KCNQ5: variants seen among roughly 807,000 people sequenced by gnomAD.
KCNQ5 encodes potassium voltage-gated channel subfamily KQT member 5.
A neutral mutation model predicts 98.2 loss-of-function variants in KCNQ5; 30 were observed. The observed-to-expected ratio is 0.31, with a 90% CI of 0.23 to 0.41. KCNQ5 has a LOEUF of 0.41. Among genes scored for constraint, KCNQ5 ranks in the 10% least tolerant of loss-of-function variants. The pLI, the probability that KCNQ5 is intolerant of heterozygous loss-of-function variation, is 1.00. For missense variants in KCNQ5, 835 were observed against 1,182.5 expected (o/e 0.71, Z 4.31); for synonymous variants, 458 against 449.4 (o/e 1.02, Z -0.24).
intron 2 of KCNQ5, among the ~76,000 whole-genome samples, chr6:73,037,465 A>AT (rs1280414300): frequency 6.6e-6 from 1 of 152,070 alleles, no homozygotes; most frequent in East Asian, 1.9e-4. Context: ...AAATATCTCC[A>AT]TTTTTTTCCT....
chr6:72,629,246 A>G (rs1347213749), intron 1 of KCNQ5, among the ~76,000 whole-genome samples: 1 of 152,186 alleles, frequency 6.6e-6, no homozygotes, highest in Middle Eastern at 3.2e-3. Flanking sequence ...TCTATTCTGA[A>G]TTAAGTTTAT....
intron 1 of KCNQ5, among the ~76,000 whole-genome samples, chr6:72,842,514 G>A (rs1461757267): frequency 4.6e-5 from 7 of 152,108 alleles, no homozygotes; most frequent in African/African-American, 1.7e-4. Context: ...AGATCATACT[G>A]GTGGAAGTGG....
intron 1 of KCNQ5, among the ~76,000 whole-genome samples, chr6:72,799,908 A>G (rs1443859578): frequency 1.3e-5 from 2 of 152,206 alleles, no homozygotes; most frequent in Non-Finnish European, 2.9e-5. Flanking sequence ...ATGATACTGA[A>G]GAAGCATCAA....
chr6:72,849,137 CACACACAT>C (rs1197235950), intron 1 of KCNQ5, among the ~76,000 whole-genome samples: 2 of 151,946 alleles, frequency 1.3e-5, no homozygotes, highest in Admixed American at 6.6e-5. Context: ...CACACACACA[CACACACAT>C]ATGCACACGC....
At chr6:73,186,085 C>T (rs939073272) in intron 11 of KCNQ5, among the ~76,000 whole-genome samples, 72 of 152,134 alleles carry the variant, frequency 4.7e-4, no homozygotes, top group Admixed American at 1.2e-3. Flanking sequence ...AAAAATTAAC[C>T]GGTGTGGGGG....
At chr6:72,726,384 G>A (rs1368829560) in intron 1 of KCNQ5, among the ~76,000 whole-genome samples, 5 of 151,698 alleles carry the variant, frequency 3.3e-5, no homozygotes, top group African/African-American at 4.8e-5. Flanking sequence ...CTAATTCCCT[G>A]TATTTTTTTT....
chr6:72,834,944 C>G (rs1321873443), intron 1 of KCNQ5, among the ~76,000 whole-genome samples: 1 of 152,052 alleles, frequency 6.6e-6, no homozygotes, highest in Middle Eastern at 3.2e-3. Context: ...GGTTTGTTTT[C>G]TGGCTCTAAA....
intron 1 of KCNQ5, among the ~76,000 whole-genome samples, chr6:72,915,288 A>G (rs1012724078): frequency 6.6e-6 from 1 of 152,218 alleles, no homozygotes; most frequent in Non-Finnish European, 1.5e-5. Context: ...TCTCAGTTAT[A>G]AGGGATGTCT....
At chr6:72,799,914 A>G (rs1774545626) in intron 1 of KCNQ5, among the ~76,000 whole-genome samples, 1 of 152,206 alleles carries the variant, frequency 6.6e-6, no homozygotes, top group Non-Finnish European at 1.5e-5. Flanking sequence ...CTGAAGAAGC[A>G]TCAAGCTACT....
chr6:72,709,680 G>T (rs999093680), intron 1 of KCNQ5, among the ~76,000 whole-genome samples: 1 of 152,104 alleles, frequency 6.6e-6, no homozygotes, highest in Non-Finnish European at 1.5e-5. Context: ...CACACCATGT[G>T]CTAGCCACTA....
intron 3 of KCNQ5, among the ~76,000 whole-genome samples, chr6:73,072,941 G>C (rs945440646): frequency 6.6e-6 from 1 of 151,776 alleles, no homozygotes; most frequent in African/African-American, 2.4e-5. Flanking sequence ...TTGTTTATTA[G>C]CAGTTCTATT....
intron 1 of KCNQ5, among the ~76,000 whole-genome samples, chr6:72,669,893 A>G (rs1435490138): frequency 1.3e-5 from 2 of 150,872 alleles, no homozygotes; most frequent in African/African-American, 4.9e-5. Context: ...TGTTCTCTTC[A>G]AAACAAACTT....
At chr6:73,060,616 T>C (rs1291517503) in intron 3 of KCNQ5, among the ~76,000 whole-genome samples, 1 of 151,994 alleles carries the variant, frequency 6.6e-6, no homozygotes, top group Non-Finnish European at 1.5e-5. Flanking sequence ...AAAAGACAAA[T>C]GTGGAAAAAT....
intron 1 of KCNQ5, among the ~76,000 whole-genome samples, chr6:72,812,166 G>C (rs1379444293): frequency 6.6e-6 from 1 of 152,110 alleles, no homozygotes; most frequent in Non-Finnish European, 1.5e-5. Flanking sequence ...GTGGGTTTTG[G>C]CTGGCTTCTT....
chr6:73,157,331 T>C (rs1777403396), intron 10 of KCNQ5, among the ~76,000 whole-genome samples: 1 of 151,746 alleles, frequency 6.6e-6, no homozygotes, highest in Admixed American at 6.6e-5. Context: ...AGAAAAGGGC[T>C]GAGGAAGAGG....
intron 2 of KCNQ5, among the ~76,000 whole-genome samples, chr6:73,014,267 G>T (rs1448319022): frequency 6.6e-6 from 1 of 152,080 alleles, no homozygotes; most frequent in Non-Finnish European, 1.5e-5. Context: ...GTTTTTAGAT[G>T]AAAATTGTCC....
chr6:72,949,605 C>G (rs1453533866), intron 1 of KCNQ5, among the ~76,000 whole-genome samples: 1 of 152,166 alleles, frequency 6.6e-6, no homozygotes, highest in East Asian at 1.9e-4. Flanking sequence ...TTTCATATTA[C>G]ATGCATTTTT....
chr6:72,747,282 G>A (rs1280506097), intron 1 of KCNQ5, among the ~76,000 whole-genome samples: 5 of 152,202 alleles, frequency 3.3e-5, no homozygotes, highest in East Asian at 3.9e-4. Flanking sequence ...TAGCTACTTA[G>A]ACCTGCTGTG....
At chr6:72,843,072 A>C (rs753574146) in intron 1 of KCNQ5, among the ~76,000 whole-genome samples, 38 of 152,120 alleles carry the variant, frequency 2.5e-4, no homozygotes, top group Non-Finnish European at 4.7e-4. Context: ...CTATGTCCTG[A>C]ATGGTATTGC....
Sources: gnomAD v4.1 joint callset for allele counts (sites outside exome capture counted in the v4.1 genomes callset) on GRCh38, gnomAD v4.1.1 for gene constraint, MANE v1.5 for transcripts, NCBI Gene and HGNC (gene_info 2026-07-23, HGNC 2026-07-21) for gene names.